GPC5: variants seen among roughly 807,000 people sequenced by gnomAD.
The protein encoded by GPC5 is glypican-5.
Under a neutral mutation model 53.9 loss-of-function variants are expected in GPC5, and 47 were observed. The ratio of observed to expected loss-of-function variants is 0.87; its 90% CI spans 0.69 to 1.11. The LOEUF is 1.11. Ranked by LOEUF, GPC5 falls within the 50% of genes most tolerant of loss-of-function variation. The pLI, the probability that GPC5 is intolerant of heterozygous loss-of-function variation, is 0.00. For missense variants in GPC5, 748 were observed against 713.1 expected, an observed-to-expected ratio of 1.05 and a Z score of -0.56; for synonymous variants, 286 against 263.3, an observed-to-expected ratio of 1.09 and a Z score of -0.84.
At chr13:92,708,857 C>CT (rs752130758) in intron 7 of GPC5, among the ~76,000 whole-genome samples, 559 of 48,164 alleles carry the variant, frequency 0.012, 203 homozygotes, top group African/African-American at 0.016. Context: ...TGGAAACCGC[C>CT]TTTTTTTTTT....
intron 2 of GPC5, among the ~76,000 whole-genome samples, chr13:91,589,053 C>G (rs2032701901): frequency 6.6e-6 from 1 of 152,152 alleles, no homozygotes; most frequent in Admixed American, 6.5e-5. Flanking sequence ...TCTACATCCA[C>G]TTTATTGAAA....
At chr13:91,498,088 A>ATTT (rs34102629) in intron 2 of GPC5, among the ~76,000 whole-genome samples, 3 of 149,184 alleles carry the variant, frequency 2.0e-5, no homozygotes, top group Admixed American at 1.3e-4. Flanking sequence ...TTAATCTTAG[A>ATTT]TTTTTTTTTT....
chr13:92,774,562 C>T (rs1875731514), intron 7 of GPC5, among the ~76,000 whole-genome samples: 1 of 152,148 alleles, frequency 6.6e-6, no homozygotes, highest in African/African-American at 2.4e-5. Flanking sequence ...CCTAGCTCTA[C>T]CATAATGAAC....
intron 2 of GPC5, among the ~76,000 whole-genome samples, chr13:91,466,879 A>AC (rs1342311244): frequency 2.5e-4 from 38 of 152,174 alleles, no homozygotes; most frequent in African/African-American, 8.9e-4. Flanking sequence ...TGGGTATACT[A>AC]CTATGGAGAG....
rs756910046 is a variant in GPC5 at position 91,756,337 on chromosome 13, A to G, written c.1197A>G (p.Gly399=). ...NSLRLYRSFY[G]GLADQLCANE... ...TTCGACTGTACAGGTCATTCTATGG[A>G]GGTCTAGCTGATCAGCTTTGTGCTA... Residue 399 remains glycine, a synonymous_variant, in exon 5 of 8, where the codon GGA becomes GGG. Transcript: ENST00000377067. 5.7e-6 allele frequency: 9 copies of G among 1,587,248 alleles called. No individual in the cohort carries two copies. Among genetic ancestry groups the G allele is most frequent in the Non-Finnish European group, 7.8e-6 (9 of 1,160,614 alleles).
chr13:92,270,310 G>C (rs2042831303), intron 7 of GPC5, among the ~76,000 whole-genome samples: 1 of 152,308 alleles, frequency 6.6e-6, no homozygotes, highest in East Asian at 1.9e-4. Context: ...TCCGTGGGAA[G>C]TGATTGGAAC....
intron 2 of GPC5, among the ~76,000 whole-genome samples, chr13:91,602,041 T>A (rs1322295913): frequency 6.6e-6 from 1 of 152,212 alleles, no homozygotes; most frequent in Non-Finnish European, 1.5e-5. Flanking sequence ...AGGAGCATGG[T>A]ACAGTCTTGC....
At chr13:92,584,451 C>A (rs1325110410) in intron 7 of GPC5, among the ~76,000 whole-genome samples, 3 of 152,010 alleles carry the variant, frequency 2.0e-5, no homozygotes, top group Non-Finnish European at 4.4e-5. Flanking sequence ...GGGTATCTGG[C>A]AAAAGACATT....
intron 7 of GPC5, among the ~76,000 whole-genome samples, chr13:92,352,760 T>A (rs913009432): frequency 2.0e-5 from 3 of 152,192 alleles, no homozygotes; most frequent in Non-Finnish European, 2.9e-5. Context: ...GAAGTATACA[T>A]TAGTAAACCA....
intron 7 of GPC5, among the ~76,000 whole-genome samples, chr13:92,651,200 T>G (rs775169202): frequency 5.3e-5 from 8 of 151,220 alleles, no homozygotes; most frequent in Admixed American, 5.3e-4. Flanking sequence ...CTATTAGTTC[T>G]ATCCGTCTAA....
chr13:91,922,907 C>T (rs969394864), intron 6 of GPC5, among the ~76,000 whole-genome samples: 3 of 152,012 alleles, frequency 2.0e-5, no homozygotes, highest in African/African-American at 7.2e-5. Flanking sequence ...TCTGGAGAAA[C>T]CTCTCTAGCT....
intron 7 of GPC5, among the ~76,000 whole-genome samples, chr13:92,841,764 A>C (rs984801070): frequency 2.6e-5 from 4 of 152,102 alleles, no homozygotes; most frequent in Non-Finnish European, 4.4e-5. Context: ...AGTTTTATAT[A>C]ATCTGTAAGT....
chr13:92,274,630 A>T (rs1450914902), intron 7 of GPC5, among the ~76,000 whole-genome samples: 1 of 152,112 alleles, frequency 6.6e-6, no homozygotes, highest in Non-Finnish European at 1.5e-5. Flanking sequence ...GGTGTCAGTA[A>T]CAGCTGGGAT....
At chr13:92,829,604 T>G (rs1877979846) in intron 7 of GPC5, among the ~76,000 whole-genome samples, 1 of 152,174 alleles carries the variant, frequency 6.6e-6, no homozygotes, top group African/African-American at 2.4e-5. Flanking sequence ...GGAGACATTT[T>G]AATCCCACAG....
chr13:92,325,307 T>C (rs1168536403), intron 7 of GPC5, among the ~76,000 whole-genome samples: 1 of 151,950 alleles, frequency 6.6e-6, no homozygotes, highest in Non-Finnish European at 1.5e-5. Flanking sequence ...AAAGCACATA[T>C]TGATTCAGAT....
At chr13:92,049,761 AC>A (rs1233777326) in intron 6 of GPC5, among the ~76,000 whole-genome samples, 2 of 152,138 alleles carry the variant, frequency 1.3e-5, no homozygotes, top group African/African-American at 4.8e-5. Flanking sequence ...ATGTTAACTA[AC>A]TTAATTGTAG....
intron 7 of GPC5, among the ~76,000 whole-genome samples, chr13:92,551,334 A>C (rs2139016471): frequency 6.6e-6 from 1 of 151,944 alleles, no homozygotes; most frequent in South Asian, 2.1e-4. Flanking sequence ...ATTAAATAAA[A>C]ATTGAGATAT....
intron 7 of GPC5, among the ~76,000 whole-genome samples, chr13:92,577,183 G>A (rs1883213398): frequency 6.6e-6 from 1 of 152,080 alleles, no homozygotes; most frequent in African/African-American, 2.4e-5. Context: ...CTTCTCTGTT[G>A]AATTCTCCTC....
chr13:92,794,828 G>A (rs1172863962), intron 7 of GPC5, among the ~76,000 whole-genome samples: 1 of 151,986 alleles, frequency 6.6e-6, no homozygotes, highest in East Asian at 1.9e-4. Context: ...AACTTACAAG[G>A]GATGTGAAAG....
Sources: gnomAD v4.1 joint callset for allele counts (sites outside exome capture counted in the v4.1 genomes callset) on GRCh38, gnomAD v4.1.1 for gene constraint, MANE v1.5 for transcripts, NCBI Gene and HGNC (gene_info 2026-07-23, HGNC 2026-07-21) for gene names.